The following ABI3BP variants were observed in gnomAD, a reference collection of about 807,000 sequenced individuals.
The protein encoded by ABI3BP is target of Nesh-SH3.
A neutral mutation model predicts 268.6 loss-of-function variants in ABI3BP; 216 were observed. The observed-to-expected ratio is 0.80, with a 90% confidence interval of 0.72 to 0.90. The LOEUF is 0.90. Ranked by LOEUF, ABI3BP falls within the 40% of genes least tolerant of loss-of-function variation. The pLI is 0.00. For synonymous variants in ABI3BP, 730 were observed against 730.0 expected (o/e 1.00, Z 0.00); for missense variants, 2,090 against 2,182.4 (o/e 0.96, Z 0.84).
intron 3 of ABI3BP, 32 bp from the exon 4 acceptor site, chr3:100,898,926 G>A: frequency 2.6e-6 from 4 of 1,565,468 alleles, no homozygotes; most frequent in Non-Finnish European, 3.5e-6. Flanking sequence ...TAATAATTCA[G>A]GAGACATTTA....
At chr3:100,934,080 C>G (rs1340646568) in intron 1 of ABI3BP, among the ~76,000 whole-genome samples, 2 of 151,912 alleles carry the variant, frequency 1.3e-5, no homozygotes, top group Non-Finnish European at 2.9e-5. Flanking sequence ...TTTGCTGCAC[C>G]TATCAAGCCA....
At chr3:100,979,835 A>G (rs1015167366) in intron 1 of ABI3BP, among the ~76,000 whole-genome samples, 22 of 152,366 alleles carry the variant, frequency 1.4e-4, no homozygotes, top group Admixed American at 1.0e-3. Flanking sequence ...TTCCTTGTAA[A>G]CATCTGAGAA....
chr3:100,795,818 G>T lies in ABI3BP; in HGVS notation c.3851C>A (p.Pro1284Gln). 1.6e-6 allele frequency: 2 copies of T among 1,287,616 alleles called. No individual in the cohort carries two copies. Among genetic ancestry groups the T allele is most frequent in the Non-Finnish European group, 2.0e-6 (2 of 988,168 alleles). The allele number at this position is 1,287,616 out of a possible 1,614,324, so 79.8% of individuals were successfully genotyped here. ...LQPVTFRFEPPKTTIAPLETR... is the reference protein window; with the variant it reads ...LQPVTFRFEPQKTTIAPLETR... ...AAAACCATTACCTATTGTTGTCTTT[G>T]GTGGCTCAAATCTAAAGGTAACAGG... is the stretch of plus-strand genomic sequence containing the variant. The change falls in exon 53 of 68, where the codon CCA (proline) becomes CAA (glutamine). Residue 1284 changes from proline to glutamine, a missense_variant. Coordinates refer to ENST00000471714, the MANE Select transcript of ABI3BP (RefSeq NM_001375547.2).
chr3:100,945,354 C>T (rs754163194), intron 1 of ABI3BP, among the ~76,000 whole-genome samples: 10 of 152,024 alleles, frequency 6.6e-5, no homozygotes, highest in African/African-American at 1.5e-4. Context: ...ATAAAATTCT[C>T]CCATTTTAAG....
In ABI3BP at chr3:100,750,340, A is replaced by G. The variant is rs1160693772; in HGVS notation, c.*155T>C. The stretch of plus-strand genomic sequence containing the variant: ...TTTGTAAAACCTGATAAATACTCTC[A>G]GCAATCTTTTCTAATAATAAACATC... On this transcript the variant is annotated 3_prime_UTR_variant, in exon 68 of 68. Transcript: ENST00000471714. 4.3e-5 allele frequency: 23 copies of G among 534,172 alleles called. No individual in the cohort carries two copies. Among genetic ancestry groups the G allele is most frequent in the Non-Finnish European group, 6.1e-5 (19 of 312,922 alleles). 33.1% of individuals were successfully genotyped at this position (534,172 alleles called of 1,614,324 possible).
intron 1 of ABI3BP, among the ~76,000 whole-genome samples, chr3:100,960,912 C>A (rs1482710017): frequency 6.6e-6 from 1 of 152,202 alleles, no homozygotes; most frequent in Admixed American, 6.5e-5. Flanking sequence ...AGAGCCCATG[C>A]CAGCTGACAC....
intron 36 of ABI3BP, 51 bp from the exon 37 acceptor site, chr3:100,823,565 T>C (rs1560468543): frequency 1.4e-6 from 2 of 1,416,510 alleles, no homozygotes. Context: ...TATGAGAAGT[T>C]AGAACACTCA....
At chr3:100,892,979 AAG>A (rs2045474222) in intron 4 of ABI3BP, among the ~76,000 whole-genome samples, 1 of 152,352 alleles carries the variant, frequency 6.6e-6, no homozygotes, top group South Asian at 2.1e-4. Context: ...GTGTTGCCAA[AAG>A]AGATGAACAT....
chr3:100,954,997 TTTTACGAA>T (rs2076341414), intron 1 of ABI3BP, among the ~76,000 whole-genome samples: 1 of 29,928 alleles, frequency 3.3e-5, no homozygotes, highest in African/African-American at 1.3e-4. Flanking sequence ...TTTTTTTTTT[TTTTACGAA>T]TCATAAAGCT....
At chr3:100,874,956 A>T in intron 8 of ABI3BP, 23 bp from the exon 9 acceptor site, 1 of 1,401,136 alleles carries the variant, frequency 7.1e-7, no homozygotes, top group Non-Finnish European at 1.0e-6. Context: ...AGATGTAAAT[A>T]AGATAAGGGG....
At chr3:100,966,254 T>A (rs1432090159) in intron 1 of ABI3BP, among the ~76,000 whole-genome samples, 1 of 152,224 alleles carries the variant, frequency 6.6e-6, no homozygotes, top group Non-Finnish European at 1.5e-5. Context: ...AAACCCAGTT[T>A]CTCTAATTTG....
rs1303982608 is a variant in ABI3BP at position 100,842,020 on chromosome 3, T to C, written c.1743A>G (p.Leu581=). Residue 581 remains leucine, a synonymous_variant, in exon 21 of 68, where the codon CTA becomes CTG. Coordinates refer to ENST00000471714, the MANE Select transcript of ABI3BP (RefSeq NM_001375547.2). ...TACCTATTGTTGACTGTGATGGCAG[T>C]AGAGTCTGAGGTTCTGGGGCTGTAA... The part of the protein sequence containing the change: ...HTKPAPEPQT[L]LPSQSTIGPE... The C allele has an allele frequency of 2.6e-6, 4 of 1,534,738 alleles. No homozygotes were observed. The highest frequency in any genetic ancestry group is 1.4e-5 in the African/African-American group (1 of 72,956).
rs147513003 is a variant in ABI3BP at position 100,927,368 on chromosome 3, C to T, written c.80-887G>A. 6.1e-4 allele frequency among the ~76,000 whole-genome samples: 93 copies of T among 152,256 alleles called. No homozygotes were observed. In the East Asian group the frequency reaches 0.017, roughly 28 times the overall value. ...ACTCTGGCATCCCACTGAAGATACT[C>T]GAGCCTTATCTTCCTGGTTTCTAAG... On this transcript the variant is annotated intron_variant, in intron 1 of 67. Transcript: ENST00000471714.
At position 100,770,733 on chromosome 3, in the gene ABI3BP, A is replaced by G; in HGVS notation, c.4741+10T>C. 1 of 1,473,056 alleles carries G rather than the reference A, an allele frequency of 6.8e-7. No individual in the cohort carries two copies. The highest frequency in any genetic ancestry group is 9.0e-7 in the Non-Finnish European group (1 of 1,108,584). The allele number at this position is 1,473,056 out of a possible 1,614,324, so 91.2% of individuals were successfully genotyped here. On this transcript the variant is annotated intron_variant, in intron 62 of 67. Transcript: ENST00000471714. ...TTCCCACCATAACAGTCCTCATGCC[A>G]TGATCTTACCAGTGACAGTGTCATT...
chr3:100,767,349 C>T (rs2096324263), intron 62 of ABI3BP, among the ~76,000 whole-genome samples: 2 of 152,132 alleles, frequency 1.3e-5, no homozygotes, highest in East Asian at 3.8e-4. Context: ...AACTGGAAGA[C>T]AGTGGCCATG....
intron 1 of ABI3BP, among the ~76,000 whole-genome samples, chr3:100,962,237 A>G (rs2079400416): frequency 1.3e-5 from 2 of 151,798 alleles, no homozygotes; most frequent in Admixed American, 6.6e-5. Context: ...TCAAATCCCC[A>G]CTTTTGAACC....
At chr3:100,945,269 C>A (rs777565993) in intron 1 of ABI3BP, among the ~76,000 whole-genome samples, 1 of 152,030 alleles carries the variant, frequency 6.6e-6, no homozygotes, top group Non-Finnish European at 1.5e-5. Context: ...AATATTTTCA[C>A]GAGCATATGG....
intron 63 of ABI3BP, among the ~76,000 whole-genome samples, chr3:100,757,914 T>C (rs1194466615): frequency 1.3e-5 from 2 of 152,166 alleles, no homozygotes; most frequent in South Asian, 2.1e-4. Flanking sequence ...AAACTGTACA[T>C]ATATTTCTGA....
intron 1 of ABI3BP, chr3:100,952,844 A>G (rs575884491): frequency 6.6e-6 from 1 of 152,296 alleles, no homozygotes; most frequent in East Asian, 1.9e-4. Context: ...ATGCAAAACC[A>G]TCTCAACTTG....
Sources: allele counts gnomAD v4.1 joint callset (sites outside exome capture counted in the v4.1 genomes callset), GRCh38; gene constraint gnomAD v4.1.1; transcripts MANE v1.5; gene names NCBI Gene and HGNC (gene_info 2026-07-23, HGNC 2026-07-21).